ZNF366: variants seen among roughly 807,000 people sequenced by gnomAD.
The protein encoded by ZNF366 is dendritic cell-specific transcript protein.
Under a neutral mutation model 47.2 loss-of-function variants are expected in ZNF366, and 20 were observed. The observed-to-expected ratio is 0.42, with a 90% CI of 0.30 to 0.62. ZNF366 has a LOEUF of 0.62. Ranked by LOEUF, ZNF366 falls within the 20% of genes least tolerant of loss-of-function variation. The probability of loss-of-function intolerance (pLI) is 0.16; values close to 1 mark genes in which losing one functional copy is unlikely to be tolerated. For missense variants in ZNF366, 987 were observed against 976.3 expected, an observed-to-expected ratio of 1.01 and a Z score of -0.15; for synonymous variants, 421 against 395.1, an observed-to-expected ratio of 1.07 and a Z score of -0.78.
At chr5:72,452,408 T>G (rs1743092240) in intron 3 of ZNF366, among the ~76,000 whole-genome samples, 1 of 152,228 alleles carries the variant, frequency 6.6e-6, no homozygotes, top group South Asian at 2.1e-4. Context: ...AGGCAGTTCA[T>G]ACGGCTATAT....
chr5:72,456,149 T>A (rs1185513257), intron 3 of ZNF366, among the ~76,000 whole-genome samples: 1 of 152,172 alleles, frequency 6.6e-6, no homozygotes, highest in Non-Finnish European at 1.5e-5. Flanking sequence ...CTTTCCCTAG[T>A]GCCTGGCTCT....
At chr5:72,465,980 C>G (rs1450871950) in intron 1 of ZNF366, among the ~76,000 whole-genome samples, 1 of 152,164 alleles carries the variant, frequency 6.6e-6, no homozygotes, top group African/African-American at 2.4e-5. Context: ...AAACACTAGA[C>G]AGTATGCTGC....
rs1742981691 is a variant in ZNF366 at position 72,447,409 on chromosome 5, C to T, written c.1533G>A (p.Gly511=). 3.7e-6 allele frequency: 6 copies of T among 1,614,138 alleles called. No homozygotes were observed. In the East Asian group the frequency reaches 1.1e-4, roughly 30 times the overall value. ...DVKPFKCKLC[G]KEFNRMHNLM... is the part of the protein sequence containing the mutation. ...GGTTGTGCATCCGGTTGAATTCCTTCCCACAAAGCTGTTGAAGATGGGGAT... is the reference window on the plus strand; with the variant it reads ...GGTTGTGCATCCGGTTGAATTCCTTTCCACAAAGCTGTTGAAGATGGGGAT... Residue 511 remains glycine, a synonymous_variant, in exon 4 of 5, where the codon GGG becomes GGA. Transcript: ENST00000318442.
intron 4 of ZNF366, among the ~76,000 whole-genome samples, chr5:72,445,853 T>C (rs1327585186): frequency 6.6e-6 from 1 of 152,202 alleles, no homozygotes; most frequent in Non-Finnish European, 1.5e-5. Context: ...AAAAATAAAA[T>C]TGTTTTTGTT....
At chr5:72,457,555 G>A (rs1211062735) in intron 2 of ZNF366, among the ~76,000 whole-genome samples, 4 of 152,208 alleles carry the variant, frequency 2.6e-5, no homozygotes, top group East Asian at 1.9e-4. Context: ...AGGAGGGAAG[G>A]AGGGATTCCA....
chr5:72,469,493 A>C (rs1356384536), intron 1 of ZNF366, among the ~76,000 whole-genome samples: 1 of 151,668 alleles, frequency 6.6e-6, no homozygotes, highest in Non-Finnish European at 1.5e-5. Context: ...TATTTGTGGA[A>C]TGTGTCCAAT....
At position 72,460,827 on chromosome 5, in the gene ZNF366, C is replaced by G. The variant is rs202206020; in HGVS notation, c.670G>C (p.Glu224Gln). Residue 224 changes from glutamate (E) to glutamine (Q), a missense_variant, in exon 2 of 5, where the codon GAG becomes CAG. Coordinates refer to ENST00000318442, the MANE Select transcript of ZNF366 (RefSeq NM_152625.3). ...ACCCTCTCCACCTTCTGCTTGGTCT[C>G]CTCGCTCTCCTGGGGCTCGGCTTTC... Reference protein sequence around the residue: ...PRKAEPQESEETKQKVERVDV... With the variant: ...PRKAEPQESEQTKQKVERVDV... 233 of 1,614,096 alleles carry G rather than the reference C, an allele frequency of 1.4e-4. No individual in the cohort carries two copies. The highest frequency in any genetic ancestry group is 1.9e-4 in the Non-Finnish European group (228 of 1,180,000).
chr5:72,453,410 C>T (rs572481263), intron 3 of ZNF366, among the ~76,000 whole-genome samples: 10 of 152,344 alleles, frequency 6.6e-5, no homozygotes, highest in East Asian at 1.9e-4. Context: ...TCCAACACCA[C>T]GGAGCAGCCA....
At chr5:72,466,160 T>G (rs1035267788) in intron 1 of ZNF366, among the ~76,000 whole-genome samples, 8 of 152,146 alleles carry the variant, frequency 5.3e-5, no homozygotes, top group African/African-American at 1.9e-4. Flanking sequence ...TTATCCTGAG[T>G]TGGTCTTGTC....
rs1346628471 is a variant in ZNF366 at position 72,442,560 on chromosome 5, T to A, written c.*1196A>T. 6.6e-6 allele frequency: 1 copy of A among 152,190 alleles called. No homozygotes were observed. Among genetic ancestry groups the A allele is most frequent in the East Asian group, 1.9e-4 (1 of 5,204 alleles). The allele number at this position is 152,190 out of a possible 1,614,324, so 9.4% of individuals were successfully genotyped here. A position where few individuals can be genotyped will look rare whatever the true frequency, so the allele number is the denominator to read the frequency against. ...ACCCCAAATAAGTCAGAGCTTAGAT[T>A]TCTGGGAGAATTCTCTGAGGTCACC... On this transcript the variant is annotated 3_prime_UTR_variant, in exon 5 of 5. Coordinates refer to ENST00000318442, the MANE Select transcript of ZNF366 (RefSeq NM_152625.3).
intron 3 of ZNF366, among the ~76,000 whole-genome samples, chr5:72,455,454 C>T (rs1041257881): frequency 1.3e-5 from 2 of 152,184 alleles, no homozygotes; most frequent in African/African-American, 4.8e-5. Context: ...AGGGCTGTAA[C>T]GATATCTGAA....
Position 72,484,942 on chromosome 5 carries a change from G to A in ZNF366, c.-15+22309C>T, listed in dbSNP as rs1402110976. ...CCATAGAAGGACCTATATTTCCAGT[G>A]CTTTGTTCATGACTTTAAAATGTGT... On this transcript the variant is annotated intron_variant, in intron 1 of 4. Transcript: ENST00000318442. Among the ~76,000 whole-genome samples the A allele has an allele frequency of 2.7e-5, 4 of 146,880 alleles. No homozygotes were observed. The Admixed American group carries it at 2.7e-4, about 10-fold the overall frequency.
At chr5:72,482,746 TTGTGTG>T (rs3041122) in intron 1 of ZNF366, among the ~76,000 whole-genome samples, 55 of 141,080 alleles carry the variant, frequency 3.9e-4, no homozygotes, top group South Asian at 2.5e-3. Flanking sequence ...CATTTCTATT[TTGTGTG>T]TGTGTGTGTG....
At chr5:72,446,032 A>C (rs1742951409) in intron 4 of ZNF366, among the ~76,000 whole-genome samples, 1 of 152,182 alleles carries the variant, frequency 6.6e-6, no homozygotes, top group South Asian at 2.1e-4. Flanking sequence ...CTGTTTATGA[A>C]TATGCTTGTC....
chr5:72,495,076 G>C (rs1226309907), intron 1 of ZNF366, among the ~76,000 whole-genome samples: 1 of 152,108 alleles, frequency 6.6e-6, no homozygotes, highest in Non-Finnish European at 1.5e-5. Context: ...ATGTTGGCTT[G>C]TGGGGAGCAG....
At chr5:72,448,010 T>C (rs929622693) in intron 3 of ZNF366, among the ~76,000 whole-genome samples, 2 of 152,082 alleles carry the variant, frequency 1.3e-5, no homozygotes, top group African/African-American at 4.8e-5. Flanking sequence ...ATACTGTGCG[T>C]CTCCCAACAC....
rs1742858620 is a variant in ZNF366 at position 72,441,806 on chromosome 5, C to T, written c.*1950G>A. 6.6e-6 allele frequency: 1 copy of T among 152,200 alleles called. No homozygotes were observed. Among genetic ancestry groups the T allele is most frequent in the African/African-American group, 2.4e-5 (1 of 41,446 alleles). The allele number at this position is 152,200 out of a possible 1,614,324, so 9.4% of individuals were successfully genotyped here. On this transcript the variant is annotated 3_prime_UTR_variant, in exon 5 of 5. Transcript: ENST00000318442. ...CAATAATAACCAGTACCTAGCTCTACAAATACGAGTCAAAACTACCAAACA... is the reference window on the plus strand; with the variant it reads ...CAATAATAACCAGTACCTAGCTCTATAAATACGAGTCAAAACTACCAAACA...
At chr5:72,485,742 C>T (rs980020886) in intron 1 of ZNF366, among the ~76,000 whole-genome samples, 10 of 152,200 alleles carry the variant, frequency 6.6e-5, no homozygotes, top group African/African-American at 7.2e-5. Flanking sequence ...CCACAGTCCG[C>T]GCCGTGGCCT....
chr5:72,483,502 C>T (rs1039432198), intron 1 of ZNF366, among the ~76,000 whole-genome samples: 1 of 152,146 alleles, frequency 6.6e-6, no homozygotes, highest in African/African-American at 2.4e-5. Flanking sequence ...TGGCATGTAG[C>T]TTCCACAATA....
Sources: allele counts gnomAD v4.1 joint callset (sites outside exome capture counted in the v4.1 genomes callset), GRCh38; gene constraint gnomAD v4.1.1; transcripts MANE v1.5; gene names NCBI Gene and HGNC (gene_info 2026-07-23, HGNC 2026-07-21).